RRM1: variants seen among roughly 807,000 people sequenced by gnomAD.
RRM1 encodes ribonucleoside-diphosphate reductase large subunit.
In RRM1, 19 loss-of-function variants were observed where a neutral mutation model predicts 101.5. That is an observed-to-expected ratio of 0.19 (90% CI 0.13 to 0.27). RRM1 has a LOEUF of 0.27. RRM1 is among the 10% of genes least tolerant of loss of function. RRM1 has a pLI of 1.00. For missense variants in RRM1, 500 were observed against 962.9 expected (o/e 0.52, Z 6.36); for synonymous variants, 298 against 323.4 (o/e 0.92, Z 0.84).
chr11:4,114,538 G>A (rs1405829440), intron 7 of RRM1, among the ~76,000 whole-genome samples: 2 of 146,546 alleles, frequency 1.4e-5, no homozygotes, highest in East Asian at 4.0e-4. Flanking sequence ...CAACAGGAGC[G>A]AAACTCTATC....
intron 15 of RRM1, among the ~76,000 whole-genome samples, chr11:4,131,284 G>T (rs1392586506): frequency 6.6e-6 from 1 of 152,194 alleles, no homozygotes; most frequent in Admixed American, 6.5e-5. Context: ...AACCTCCTCT[G>T]TGATTAAATT....
chr11:4,110,395 C>A (rs2094563666), intron 5 of RRM1, among the ~76,000 whole-genome samples: 1 of 152,122 alleles, frequency 6.6e-6, no homozygotes, highest in Admixed American at 6.5e-5. Flanking sequence ...TCAGGTGATC[C>A]ACCCACCTTG....
chr11:4,103,781 A>ATTTTTTT (rs36062278), intron 2 of RRM1, among the ~76,000 whole-genome samples: 6 of 115,260 alleles, frequency 5.2e-5, no homozygotes, highest in African/African-American at 1.0e-4. Flanking sequence ...CCACCACGCT[A>ATTTTTTT]TTTTTTTTTT....
chr11:4,106,690 G>T (rs1009918257), intron 3 of RRM1, among the ~76,000 whole-genome samples: 4 of 152,088 alleles, frequency 2.6e-5, no homozygotes, highest in East Asian at 1.9e-4. Context: ...GGAGGTTGCA[G>T]TGAGCTGAGA....
chr11:4,118,382 G>A lies in RRM1; in HGVS notation c.713G>A (p.Cys238Tyr). 1 of 1,613,996 alleles carries A rather than the reference G, an allele frequency of 6.2e-7. No homozygotes were observed. The part of the protein sequence containing the change: ...IEGIYDTLKQ[C>Y]ALISKSAGGI... ...GGCATTTATGACACTCTAAAGCAAT[G>A]TGCATTGATTTCTAAGTCTGCTGGA... The change falls in exon 8 of 19, where the codon TGT becomes TAT. Residue 238 changes from cysteine (C) to tyrosine (Y), a missense_variant. Cys to Tyr is a radical substitution (Grantham distance 194). Coordinates refer to ENST00000300738, the MANE Select transcript of RRM1 (RefSeq NM_001033.5).
intron 12 of RRM1, among the ~76,000 whole-genome samples, chr11:4,123,609 T>C (rs2094585068): frequency 1.3e-5 from 2 of 152,238 alleles, no homozygotes; most frequent in East Asian, 3.8e-4. Context: ...TTTTTTCTTA[T>C]ACACACATCA....
intron 3 of RRM1, among the ~76,000 whole-genome samples, chr11:4,106,543 T>A (rs2133291418): frequency 6.6e-6 from 1 of 152,276 alleles, no homozygotes; most frequent in Non-Finnish European, 1.5e-5. Flanking sequence ...GGTCAGGAGT[T>A]TGAGACCAGC....
rs754509608 is a variant in RRM1 at position 4,126,787 on chromosome 11, G to A, written c.1424G>A (p.Arg475Gln). ...KLAEVTKVVV[R>Q]NLNKIIDINY... ...GCTGAAGTCACTAAAGTCGTTGTCC[G>A]AAACTTGAATAAAATTATTGATATA... Residue 475 changes from arginine (R) to glutamine (Q), a missense_variant, in exon 13 of 19, where the codon CGA becomes CAA. Coordinates refer to ENST00000300738, the MANE Select transcript of RRM1 (RefSeq NM_001033.5). 1.1e-5 allele frequency: 17 copies of A among 1,613,232 alleles called. No homozygotes were observed. The Admixed American group carries it at 1.7e-4, about 16-fold the overall frequency.
intron 18 of RRM1, among the ~76,000 whole-genome samples, chr11:4,136,512 G>T (rs983275221): frequency 6.6e-6 from 1 of 152,098 alleles, no homozygotes; most frequent in Admixed American, 6.5e-5. Flanking sequence ...GAGCCACTGT[G>T]CCTGGCCAGG....
intron 17 of RRM1, among the ~76,000 whole-genome samples, chr11:4,134,716 C>T (rs111252645): frequency 2.0e-5 from 3 of 152,124 alleles, no homozygotes; most frequent in African/African-American, 4.8e-5. Context: ...TTTGTGTTTT[C>T]TGCAAAACTC....
chr11:4,110,957 A>G lies in RRM1; in HGVS notation c.448-644A>G, dbSNP rs529938144. 3.3e-5 allele frequency among the ~76,000 whole-genome samples: 5 copies of G among 152,198 alleles called. No homozygotes were observed. The South Asian group carries it at 8.3e-4, about 25-fold the overall frequency. On this transcript the variant is annotated intron_variant, in intron 5 of 18. Coordinates refer to ENST00000300738, the MANE Select transcript of RRM1 (RefSeq NM_001033.5). ...CTTAGATCCGTGCCTAGTCTGTTAC[A>G]GGCGCTTTTTAAGTGTTAGCTGTTG...
chr11:4,119,193 C>G (rs1165200001), intron 8 of RRM1: 1 of 152,238 alleles, frequency 6.6e-6, no homozygotes, highest in African/African-American at 2.4e-5. Context: ...GGAAATTATT[C>G]CATTATGTTG....
At chr11:4,104,124 G>C (rs1444136092) in intron 2 of RRM1, among the ~76,000 whole-genome samples, 1 of 151,980 alleles carries the variant, frequency 6.6e-6, no homozygotes, top group Non-Finnish European at 1.5e-5. Flanking sequence ...AAGAAAAAAA[G>C]AAAAACTGTG....
At chr11:4,120,581 A>G (rs2094580251) in intron 9 of RRM1, among the ~76,000 whole-genome samples, 1 of 151,982 alleles carries the variant, frequency 6.6e-6, no homozygotes, top group Non-Finnish European at 1.5e-5. Context: ...GCCTAGGCTG[A>G]TCTCAAACTC....
Position 4,117,018 on chromosome 11 carries a change from G to A in RRM1, c.651-1302G>A, listed in dbSNP as rs187271920. ...AAAACAGAAAGCCAAATAGAAACAT[G>A]GGCAAGGGCTATAAACAAATAATGC... On this transcript the variant is annotated intron_variant, in intron 7 of 18. Coordinates refer to ENST00000300738, the MANE Select transcript of RRM1 (RefSeq NM_001033.5). 2.2e-3 allele frequency among the ~76,000 whole-genome samples: 341 copies of A among 151,994 alleles called. 1 individual carries two copies. Among genetic ancestry groups the A allele is most frequent in the African/African-American group, 7.9e-3 (328 of 41,482 alleles).
intron 8 of RRM1, among the ~76,000 whole-genome samples, chr11:4,118,809 C>G (rs1192912212): frequency 6.6e-6 from 1 of 152,180 alleles, no homozygotes; most frequent in Non-Finnish European, 1.5e-5. Context: ...TACTACAACG[C>G]TATGAGGTAA....
intron 1 of RRM1, 30 bp downstream of exon 1, chr11:4,095,061 A>T (rs1307232544): frequency 6.4e-7 from 1 of 1,562,244 alleles, no homozygotes; most frequent in Non-Finnish European, 8.7e-7. Flanking sequence ...GGCGAGAAGG[A>T]AGGTGAGGGG....
Position 4,135,269 on chromosome 11 carries a change from A to G in RRM1, c.2189A>G (p.Gln730Arg). 1 of 1,595,736 alleles carries G rather than the reference A, an allele frequency of 6.3e-7. No individual in the cohort carries two copies. Among genetic ancestry groups the G allele is most frequent in the Non-Finnish European group, 8.6e-7 (1 of 1,168,882 alleles). Residue 730 changes from glutamine to arginine, a missense_variant and splice_region_variant, in exon 18 of 19, where the codon CAG becomes CGG. Gln to Arg is a conservative substitution (Grantham distance 43). Around this residue, in one of 9 missense-constraint regions of RRM1, gnomAD observed 79 missense variants for 176.4 expected, o/e 0.45. Transcript: ENST00000300738. ...LTSMHFYGWK[Q>R]GLKTGMYYLR... ...AGTATGCACTTCTACGGCTGGAAGC[A>G]GGTTGGTAGAGAATATCAAGGAGTA...
At chr11:4,122,711 A>G (rs983203109) in intron 11 of RRM1, among the ~76,000 whole-genome samples, 1 of 152,070 alleles carries the variant, frequency 6.6e-6, no homozygotes, top group African/African-American at 2.4e-5. Context: ...TGTCTCTAGT[A>G]AAAATACAAA....
Sources: gnomAD v4.1 joint callset for allele counts (sites outside exome capture counted in the v4.1 genomes callset) on GRCh38, gnomAD v4.1.1 for gene constraint, gnomAD v4.1.1 regional missense constraint, MANE v1.5 for transcripts, NCBI Gene and HGNC (gene_info 2026-07-23, HGNC 2026-07-21) for gene names.